Variants in RAD18 observed in about 807,000 individuals in gnomAD.
RAD18 encodes the protein RAD18 E3 ubiquitin protein ligase, also known as E3 ubiquitin-protein ligase RAD18.
RAD18 carries 47 observed loss-of-function variants against 60.4 expected under a neutral mutation model. That is an observed-to-expected ratio of 0.78 (90% confidence interval 0.62 to 0.99). The LOEUF is 0.99. Among genes scored for constraint, RAD18 ranks in the 50% least tolerant of loss-of-function variants. The pLI is 0.00. For missense variants in RAD18, 640 were observed against 593.3 expected (o/e 1.08, Z -0.82); for synonymous variants, 225 against 195.5 (o/e 1.15, Z -1.26).
chr3:8,895,021 C>T (rs1939761740), intron 11 of RAD18, among the ~76,000 whole-genome samples: 2 of 152,000 alleles, frequency 1.3e-5, no homozygotes. Context: ...TCCCAAAGTG[C>T]TGGGATTACA....
At chr3:8,914,482 G>A (rs901596903) in intron 7 of RAD18, among the ~76,000 whole-genome samples, 2 of 152,146 alleles carry the variant, frequency 1.3e-5, no homozygotes, top group African/African-American at 4.8e-5. Context: ...TGGGTAGTAG[G>A]CATATGGGGA....
chr3:8,903,136 A>C (rs1185418238), intron 9 of RAD18, among the ~76,000 whole-genome samples: 1 of 152,188 alleles, frequency 6.6e-6, no homozygotes, highest in Non-Finnish European at 1.5e-5. Context: ...AAGAATACAA[A>C]GGGCTGGAGT....
At chr3:8,942,560 C>A (rs557765277) in intron 4 of RAD18, among the ~76,000 whole-genome samples, 31 of 152,290 alleles carry the variant, frequency 2.0e-4, no homozygotes, top group Admixed American at 5.9e-4. Context: ...AGGCTGCAAT[C>A]CCTGAAAAAG....
At position 8,935,964 on chromosome 3, in the gene RAD18, A is replaced by C. The variant is rs1294479736; in HGVS notation, c.796T>G (p.Ser266Ala). Residue 266 changes from serine to alanine, a missense_variant, in exon 7 of 13, where the codon TCT becomes GCT. Physicochemically the swap from Ser to Ala is moderately conservative, Grantham distance 99 (BLOSUM62 1). Coordinates refer to ENST00000264926, the MANE Select transcript of RAD18 (RefSeq NM_020165.4). ...AGCTGTTGTTTATTTCCTTGAATAG[A>C]TAATCCATGCTCTTTTAGCTTTTTC... ...LKKKLKEHGL[S>A]IQGNKQQLIK... is the part of the protein sequence containing the mutation. 3 of 1,611,084 alleles carry C rather than the reference A, an allele frequency of 1.9e-6. No individual in the cohort carries two copies. Among genetic ancestry groups the C allele is most frequent in the Non-Finnish European group, 2.5e-6 (3 of 1,177,486 alleles).
chr3:8,954,691 C>T (rs1940980261), intron 2 of RAD18, among the ~76,000 whole-genome samples: 1 of 152,046 alleles, frequency 6.6e-6, no homozygotes, highest in Non-Finnish European at 1.5e-5. Context: ...CAGAACAAAA[C>T]AAAATAAAGT....
chr3:8,915,013 GT>G (rs1302696068), intron 7 of RAD18, among the ~76,000 whole-genome samples: 1 of 152,014 alleles, frequency 6.6e-6, no homozygotes, highest in East Asian at 1.9e-4. Context: ...GCCGGGTGTG[GT>G]GGGGGGCGCC....
At chr3:8,926,686 G>A (rs1940443354) in intron 7 of RAD18, among the ~76,000 whole-genome samples, 1 of 152,134 alleles carries the variant, frequency 6.6e-6, no homozygotes, top group Non-Finnish European at 1.5e-5. Context: ...AACCAAAACA[G>A]CATGGTACTG....
At chr3:8,939,889 G>A (rs1036594529) in intron 5 of RAD18, among the ~76,000 whole-genome samples, 9 of 152,188 alleles carry the variant, frequency 5.9e-5, no homozygotes, top group Non-Finnish European at 1.3e-4. Context: ...CCCAGAGAAA[G>A]AGACTGCAAA....
chr3:8,945,855 A>G (rs1940830714), intron 4 of RAD18, among the ~76,000 whole-genome samples: 1 of 152,370 alleles, frequency 6.6e-6, no homozygotes, highest in East Asian at 1.9e-4. Flanking sequence ...GAATAAGGAT[A>G]TAAAGAAAGA....
intron 6 of RAD18, among the ~76,000 whole-genome samples, chr3:8,938,354 A>T (rs1940688365): frequency 6.6e-6 from 1 of 152,270 alleles, no homozygotes; most frequent in Middle Eastern, 3.4e-3. Flanking sequence ...ATTCACTCCA[A>T]ATTTACTCAT....
chr3:8,918,318 CAAAAAA>C (rs56365221), intron 7 of RAD18, among the ~76,000 whole-genome samples: 1 of 73,008 alleles, frequency 1.4e-5, no homozygotes, highest in African/African-American at 6.0e-5. Context: ...AACTCCATCT[CAAAAAA>C]AAAAAAAAAA....
chr3:8,895,399 G>A (rs947388680), intron 11 of RAD18, among the ~76,000 whole-genome samples: 1 of 152,156 alleles, frequency 6.6e-6, no homozygotes, highest in Admixed American at 6.5e-5. Context: ...TTCCAACTTA[G>A]GATATTGTTC....
At chr3:8,953,650 A>G (rs915344511) in intron 2 of RAD18, among the ~76,000 whole-genome samples, 5 of 152,218 alleles carry the variant, frequency 3.3e-5, no homozygotes, top group Non-Finnish European at 7.3e-5. Flanking sequence ...ATGTGTGGGC[A>G]GAGTGGAGGA....
At chr3:8,945,141 G>C (rs1291780093) in intron 4 of RAD18, among the ~76,000 whole-genome samples, 1 of 152,136 alleles carries the variant, frequency 6.6e-6, no homozygotes, top group African/African-American at 2.4e-5. Context: ...TTTATGTCAG[G>C]GACTTCAGCA....
intron 7 of RAD18, among the ~76,000 whole-genome samples, chr3:8,930,865 C>T (rs1486467589): frequency 1.3e-5 from 2 of 152,034 alleles, no homozygotes; most frequent in African/African-American, 4.8e-5. Flanking sequence ...GGCAATTATT[C>T]TTCCTTCTGG....
At position 8,881,352 on chromosome 3, in the gene RAD18, C is replaced by T. The variant is rs370582611; in HGVS notation, c.*5G>A. On this transcript the variant is annotated 3_prime_UTR_variant, in exon 13 of 13. Coordinates refer to ENST00000264926, the MANE Select transcript of RAD18 (RefSeq NM_020165.4). Reference sequence around the variant, plus strand: ...ATGCATTTGAAAAGTCAGCAAAAGCCCACATTAATTCCTATTACGCTTGTT... The same window carrying T: ...ATGCATTTGAAAAGTCAGCAAAAGCTCACATTAATTCCTATTACGCTTGTT... 20 of 1,587,110 alleles carry T rather than the reference C, an allele frequency of 1.3e-5. No individual in the cohort carries two copies. The highest frequency in any genetic ancestry group is 1.6e-5 in the Non-Finnish European group (19 of 1,157,632).
intron 3 of RAD18, among the ~76,000 whole-genome samples, chr3:8,947,768 T>C (rs901467098): frequency 2.0e-5 from 3 of 152,236 alleles, no homozygotes; most frequent in Admixed American, 6.5e-5. Context: ...ACACAGTTTA[T>C]CTCAGCGATG....
chr3:8,946,395 T>C (rs1226062756), intron 4 of RAD18, among the ~76,000 whole-genome samples: 2 of 152,242 alleles, frequency 1.3e-5, no homozygotes, highest in African/African-American at 4.8e-5. Context: ...CCAAATTGCC[T>C]AATGACACAT....
At chr3:8,941,417 A>G (rs1294242809) in intron 5 of RAD18, 50 bp downstream of exon 5, 2 of 1,431,120 alleles carry the variant, frequency 1.4e-6, no homozygotes, top group East Asian at 4.8e-5. Flanking sequence ...TTCTTATGTC[A>G]TGTGGATGAA....
Sources: allele counts gnomAD v4.1 joint callset (sites outside exome capture counted in the v4.1 genomes callset), GRCh38; gene constraint gnomAD v4.1.1; transcripts MANE v1.5; gene names NCBI Gene and HGNC (gene_info 2026-07-23, HGNC 2026-07-21).